Variants in DENND5A observed in about 807,000 individuals in gnomAD.
DENND5A encodes the protein DENN domain-containing protein 5A.
In DENND5A, 64 loss-of-function variants were observed where a neutral mutation model predicts 140.3. The observed-to-expected ratio is 0.46, with a 90% CI of 0.37 to 0.56. The LOEUF (loss-of-function observed/expected upper bound fraction) is 0.56, where lower values mean the gene tolerates loss of function less well. Among genes scored for constraint, DENND5A ranks in the 20% least tolerant of loss-of-function variants. The pLI is 0.00. For missense variants in DENND5A, 1,292 were observed against 1,593.8 expected (o/e 0.81, Z 3.22); for synonymous variants, 605 against 607.7 (o/e 1.00, Z 0.07).
intron 1 of DENND5A, among the ~76,000 whole-genome samples, chr11:9,220,660 AG>A (rs1850274008): frequency 6.6e-6 from 1 of 152,080 alleles, no homozygotes; most frequent in Admixed American, 6.6e-5. Flanking sequence ...TGGGAGGCTG[AG>A]GGGGTTAGAT....
chr11:9,213,500 T>A (rs1849960020), intron 1 of DENND5A, among the ~76,000 whole-genome samples: 1 of 151,652 alleles, frequency 6.6e-6, no homozygotes, highest in African/African-American at 2.4e-5. Context: ...AGGCAATATA[T>A]TTCAAGCATT....
In DENND5A at chr11:9,178,963, A is replaced by C; in HGVS notation, c.1566T>G (p.Asn522Lys). The C allele has an allele frequency of 6.2e-7, 1 of 1,614,118 alleles. No individual in the cohort carries two copies. The highest frequency in any genetic ancestry group is 2.2e-5 in the East Asian group (1 of 44,866). Reference protein sequence around the residue: ...LNIQIREVFANRFTQMFADYE... With the variant: ...LNIQIREVFAKRFTQMFADYE... The stretch of plus-strand genomic sequence containing the variant: ...AATCTGCAAACATCTGAGTGAAACG[A>C]TTTGCAAAAACTTCCCGGATCTGAA... Residue 522 changes from asparagine (N) to lysine (K), a missense_variant, in exon 7 of 23, where the codon AAT becomes AAG. Coordinates refer to ENST00000328194, the MANE Select transcript of DENND5A (RefSeq NM_015213.4).
chr11:9,252,451 C>T (rs948782425), intron 1 of DENND5A, among the ~76,000 whole-genome samples: 4 of 151,996 alleles, frequency 2.6e-5, no homozygotes, highest in African/African-American at 4.8e-5. Context: ...GAATTCAACA[C>T]CAGCCTGGCC....
At chr11:9,236,881 C>A (rs772652005) in intron 1 of DENND5A, among the ~76,000 whole-genome samples, 1 of 152,046 alleles carries the variant, frequency 6.6e-6, no homozygotes, top group Non-Finnish European at 1.5e-5. Flanking sequence ...TTCATTGTGA[C>A]TATGTTTGAA....
intron 1 of DENND5A, among the ~76,000 whole-genome samples, chr11:9,262,177 T>C (rs573556070): frequency 2.0e-5 from 3 of 152,326 alleles, no homozygotes; most frequent in African/African-American, 7.2e-5. Context: ...TCTTTTTTTA[T>C]AGATGAGGAC....
chr11:9,229,048 GA>G (rs906873738), intron 1 of DENND5A, among the ~76,000 whole-genome samples: 1 of 152,222 alleles, frequency 6.6e-6, no homozygotes, highest in Non-Finnish European at 1.5e-5. Flanking sequence ...ACTGGCATCT[GA>G]AGTGGGGACA....
intron 1 of DENND5A, among the ~76,000 whole-genome samples, chr11:9,231,340 G>A (rs1281147257): frequency 6.6e-6 from 1 of 152,150 alleles, no homozygotes; most frequent in African/African-American, 2.4e-5. Flanking sequence ...TGACAAGTCC[G>A]CAAATTCAGA....
chr11:9,201,302 G>A (rs1849514309), intron 4 of DENND5A, among the ~76,000 whole-genome samples: 1 of 151,472 alleles, frequency 6.6e-6, no homozygotes, highest in Admixed American at 6.6e-5. Context: ...TTGAGTCCAG[G>A]ATATCAAGAC....
chr11:9,252,914 A>G (rs1241107081), intron 1 of DENND5A, among the ~76,000 whole-genome samples: 1 of 151,686 alleles, frequency 6.6e-6, no homozygotes, highest in Non-Finnish European at 1.5e-5. Context: ...CAGTGGCACA[A>G]TCATGGCTCA....
At chr11:9,241,195 A>C (rs953096366) in intron 1 of DENND5A, among the ~76,000 whole-genome samples, 5 of 152,200 alleles carry the variant, frequency 3.3e-5, no homozygotes, top group African/African-American at 1.2e-4. Flanking sequence ...ACTTAAAGCT[A>C]CATCAGTCCT....
At chr11:9,220,354 T>C (rs1284272473) in intron 1 of DENND5A, among the ~76,000 whole-genome samples, 1 of 148,860 alleles carries the variant, frequency 6.7e-6, no homozygotes, top group Non-Finnish European at 1.5e-5. Context: ...TCAAGACCAG[T>C]CTGACCAACA....
chr11:9,222,930 G>A (rs1850372116), intron 1 of DENND5A, among the ~76,000 whole-genome samples: 1 of 152,170 alleles, frequency 6.6e-6, no homozygotes, highest in African/African-American at 2.4e-5. Context: ...ACCAGACATA[G>A]CTATTAACTG....
chr11:9,201,292 T>C (rs74628815), intron 4 of DENND5A, among the ~76,000 whole-genome samples: 3,552 of 151,784 alleles, frequency 0.023, 158 homozygotes, highest in African/African-American at 0.082. Flanking sequence ...GGAAGATCAC[T>C]TGAGTCCAGG....
At chr11:9,178,580 T>C (rs1473060425) in intron 7 of DENND5A, among the ~76,000 whole-genome samples, 1 of 152,078 alleles carries the variant, frequency 6.6e-6, no homozygotes, top group Non-Finnish European at 1.5e-5. Flanking sequence ...GGTAACCTAC[T>C]GAGTCAACCA....
Position 9,264,971 on chromosome 11 carries a change from G to T in DENND5A, c.99C>A (p.Asp33Glu). 1 of 1,583,244 alleles carries T rather than the reference G, an allele frequency of 6.3e-7. No homozygotes were observed. Among genetic ancestry groups the T allele is most frequent in the Non-Finnish European group, 8.6e-7 (1 of 1,166,694 alleles). ...GLDTETGLEP[D>E]ELSALCQYIQ... ...TCGGCGCGCACTCACCCGACAGCTC[G>T]TCCGGCTCCAGCCCGGTCTCCGTGT... The change falls in exon 1 of 23, where the codon GAC becomes GAA. Residue 33 changes from aspartate (D) to glutamate (E), a missense_variant. Physicochemically the swap from Asp to Glu is conservative, Grantham distance 45 (BLOSUM62 2). Coordinates refer to ENST00000328194, the MANE Select transcript of DENND5A (RefSeq NM_015213.4).
Position 9,141,890 on chromosome 11 carries a change from C to T in DENND5A, c.3680+50G>A, listed in dbSNP as rs151296874. 6,022 of 1,498,470 alleles carry T rather than the reference C, an allele frequency of 4.0e-3. 19 individuals carry two copies. Among genetic ancestry groups the T allele is most frequent in the Non-Finnish European group, 4.9e-3 (5,442 of 1,119,588 alleles). 92.8% of individuals were successfully genotyped at this position (1,498,470 alleles called of 1,614,324 possible). A position where few individuals can be genotyped will look rare whatever the true frequency, so the allele number is the denominator to read the frequency against. On this transcript the variant is annotated intron_variant, in intron 22 of 22. Transcript: ENST00000328194. ...CCTGCACTGCACCAGGCCTCCAACA[C>T]CACCACCAAGGCTAACCGCTGTGCA...
rs775145087 is a variant in DENND5A, at chr11:9,147,082, C to G, written c.2805G>C (p.Leu935=). The G allele has an allele frequency of 3.1e-6, 5 of 1,614,134 alleles. No homozygotes were observed. Among genetic ancestry groups the G allele is most frequent in the Non-Finnish European group, 4.2e-6 (5 of 1,179,972 alleles). The change falls in exon 16 of 23, where the codon CTG becomes CTC. Residue 935 remains leucine, a synonymous_variant. Transcript: ENST00000328194. Reference sequence around the variant, plus strand: ...AAAAGTAATCGACGGCATTGAAAGACAGGAGGTGATAGAGGAACTGCTCCT... The same window carrying G: ...AAAAGTAATCGACGGCATTGAAAGAGAGGAGGTGATAGAGGAACTGCTCCT... ...DEKEQFLYHL[L]SFNAVDYFCF...
Position 9,178,245 on chromosome 11 carries a change from T to C in DENND5A, c.1793A>G (p.Asp598Gly). 1 of 1,613,994 alleles carries C rather than the reference T, an allele frequency of 6.2e-7. No individual in the cohort carries two copies. The highest frequency in any genetic ancestry group is 8.5e-7 in the Non-Finnish European group (1 of 1,179,896). Residue 598 changes from aspartate to glycine, a missense_variant, in exon 8 of 23, where the codon GAC becomes GGC. Transcript: ENST00000328194. Reference protein sequence around the residue: ...KIMCHDDDDKDPVLRVFDSRV... With the variant: ...KIMCHDDDDKGPVLRVFDSRV... Reference sequence around the variant, plus strand: ...GGAATCAAATACCCGGAGTACAGGGTCTTTATCATCATCATCATGACACAT... The same window carrying C: ...GGAATCAAATACCCGGAGTACAGGGCCTTTATCATCATCATCATGACACAT...
chr11:9,240,249 C>T (rs1032144035), intron 1 of DENND5A, among the ~76,000 whole-genome samples: 40 of 151,830 alleles, frequency 2.6e-4, no homozygotes, highest in African/African-American at 9.2e-4. Context: ...CAAAAATTAA[C>T]CAGGCGTTGT....
Sources: gnomAD v4.1 joint callset for allele counts (sites outside exome capture counted in the v4.1 genomes callset) on GRCh38, gnomAD v4.1.1 for gene constraint, MANE v1.5 for transcripts, NCBI Gene and HGNC (gene_info 2026-07-23, HGNC 2026-07-21) for gene names.